C6: variants seen among roughly 807,000 people sequenced by gnomAD.
C6 encodes the protein complement component C6.
In C6, 101 loss-of-function variants were observed where a neutral mutation model predicts 112.9. The observed-to-expected ratio is 0.89, with a 90% CI of 0.76 to 1.06. The LOEUF (loss-of-function observed/expected upper bound fraction) is 1.06. Among genes scored for constraint, C6 ranks in the 50% least tolerant of loss-of-function variants. C6 has a pLI of 0.00. For synonymous variants in C6, 431 were observed against 384.1 expected (o/e 1.12, Z -1.43); for missense variants, 1,202 against 1,104.6 (o/e 1.09, Z -1.25).
chr5:41,202,558 C>T (rs1751109323), intron 2 of C6, among the ~76,000 whole-genome samples: 1 of 152,082 alleles, frequency 6.6e-6, no homozygotes, highest in African/African-American at 2.4e-5. Context: ...TGAGCATTTC[C>T]ATGGTACAGA....
intron 7 of C6, among the ~76,000 whole-genome samples, chr5:41,178,466 C>CTTTTTTTTTTTTTTTTTTTT (rs70988836): frequency 2.0e-4 from 20 of 101,592 alleles, no homozygotes; most frequent in East Asian, 2.8e-4. Flanking sequence ...TTTTCTTTTT[C>CTTTTTTTTTTTTTTTTTTTT]TTTTTTTTTT....
chr5:41,252,997 G>T (rs923863715), intron 1 of C6, among the ~76,000 whole-genome samples: 2 of 152,158 alleles, frequency 1.3e-5, no homozygotes, highest in Non-Finnish European at 2.9e-5. Context: ...ACTTCTTGAG[G>T]TTGTGTTCCA....
chr5:41,210,058 T>A (rs1468820888), intron 1 of C6, among the ~76,000 whole-genome samples: 1 of 152,028 alleles, frequency 6.6e-6, no homozygotes, highest in African/African-American at 2.4e-5. Flanking sequence ...TCAGAAATAA[T>A]ACCACACGTC....
intron 13 of C6, among the ~76,000 whole-genome samples, chr5:41,158,111 T>G (rs984752712): frequency 2.6e-5 from 4 of 152,156 alleles, no homozygotes; most frequent in African/African-American, 9.6e-5. Context: ...ATGTATCACC[T>G]GTAAAATTTA....
At chr5:41,176,370 G>A (rs749016161) in intron 8 of C6, 105 bp downstream of exon 8, 18 of 1,139,146 alleles carry the variant, frequency 1.6e-5, no homozygotes, top group Non-Finnish European at 2.3e-5. Flanking sequence ...AATAAAGCAG[G>A]ATCTAAATAA....
chr5:41,196,075 C>G (rs1280648549), intron 4 of C6, 142 bp from the exon 5 acceptor site: 2 of 939,858 alleles, frequency 2.1e-6, no homozygotes, highest in African/African-American at 3.3e-5. Context: ...TTAGGGAGCA[C>G]ATAAAAATGG....
At chr5:41,209,678 C>T (rs1751734544) in intron 1 of C6, among the ~76,000 whole-genome samples, 1 of 152,112 alleles carries the variant, frequency 6.6e-6, no homozygotes, top group Admixed American at 6.5e-5. Flanking sequence ...AGGACCTCTT[C>T]AAGGAGAACT....
intron 5 of C6, among the ~76,000 whole-genome samples, chr5:41,192,917 T>A (rs1750329245): frequency 6.6e-6 from 1 of 152,094 alleles, no homozygotes; most frequent in African/African-American, 2.4e-5. Context: ...TGTACAAAGG[T>A]TTTACTTTGG....
At chr5:41,227,507 T>C (rs904999192) in intron 1 of C6, among the ~76,000 whole-genome samples, 2 of 152,064 alleles carry the variant, frequency 1.3e-5, no homozygotes, top group African/African-American at 2.4e-5. Flanking sequence ...GCTTTTGGGG[T>C]CACATCCAAA....
At chr5:41,254,822 TAGTCCTGCAAG>T (rs1402232357) in intron 1 of C6, among the ~76,000 whole-genome samples, 2 of 152,350 alleles carry the variant, frequency 1.3e-5, no homozygotes, top group African/African-American at 4.8e-5. Context: ...ACACAGTGAC[TAGTCCTGCAAG>T]AGTTTATGTG....
At chr5:41,219,820 A>G (rs943359289) in intron 1 of C6, among the ~76,000 whole-genome samples, 12 of 152,184 alleles carry the variant, frequency 7.9e-5, no homozygotes, top group Non-Finnish European at 1.5e-4. Flanking sequence ...CAATTTTTAA[A>G]AGTTCTTCCA....
intron 1 of C6, among the ~76,000 whole-genome samples, chr5:41,243,595 C>G (rs769694123): frequency 7.2e-5 from 11 of 152,240 alleles, no homozygotes; most frequent in Non-Finnish European, 1.6e-4. Flanking sequence ...CTAGACATGA[C>G]TGTTATTACT....
At chr5:41,205,567 G>C (rs1270220455) in intron 1 of C6, among the ~76,000 whole-genome samples, 1 of 152,220 alleles carries the variant, frequency 6.6e-6, no homozygotes, top group Non-Finnish European at 1.5e-5. Context: ...CACACCAGGA[G>C]ATTATATCCC....
chr5:41,168,063 CAAT>C (rs943692547), intron 9 of C6, among the ~76,000 whole-genome samples: 1 of 152,140 alleles, frequency 6.6e-6, no homozygotes, highest in African/African-American at 2.4e-5. Context: ...TCAGTTTACA[CAAT>C]CATAACTGAA....
chr5:41,197,661 A>C (rs1349505613), intron 4 of C6, among the ~76,000 whole-genome samples: 1 of 152,130 alleles, frequency 6.6e-6, no homozygotes, highest in Non-Finnish European at 1.5e-5. Context: ...CTATCCATTT[A>C]GTACTTATAG....
rs200332156 is a variant in C6, at chr5:41,151,177, A to AT, written c.2291-1153dup. On this transcript the variant is annotated intron_variant, in intron 15 of 17. Transcript: ENST00000337836. ...GTGCAGAGAATGGATTTGAAGAGGCATGGTGGTCAATAGGGCTCCAGGGAG... is the reference window on the plus strand; with the variant it reads ...GTGCAGAGAATGGATTTGAAGAGGCATTGGTGGTCAATAGGGCTCCAGGGAG... Among the ~76,000 whole-genome samples the AT allele has an allele frequency of 4.6e-3, 700 of 152,308 alleles. 4 individuals are homozygous for AT. Among genetic ancestry groups the AT allele is most frequent in the African/African-American group, 0.015 (610 of 41,562 alleles).
At chr5:41,241,296 T>C (rs1446927599) in intron 1 of C6, among the ~76,000 whole-genome samples, 1 of 152,194 alleles carries the variant, frequency 6.6e-6, no homozygotes, top group East Asian at 1.9e-4. Context: ...CTGGCAGTGA[T>C]AACAGCAGTG....
intron 1 of C6, among the ~76,000 whole-genome samples, chr5:41,248,361 G>T (rs771484356): frequency 4.6e-5 from 7 of 152,184 alleles, no homozygotes; most frequent in Non-Finnish European, 8.8e-5. Flanking sequence ...CACAGCAAAA[G>T]AAGCTATCAA....
chr5:41,245,900 T>C (rs1740992432), intron 1 of C6, among the ~76,000 whole-genome samples: 1 of 152,202 alleles, frequency 6.6e-6, no homozygotes, highest in Admixed American at 6.5e-5. Context: ...GATTTTCCTT[T>C]TTTAAAAGTA....
Sources: allele counts gnomAD v4.1 joint callset (sites outside exome capture counted in the v4.1 genomes callset), GRCh38; gene constraint gnomAD v4.1.1; transcripts MANE v1.5; gene names NCBI Gene and HGNC (gene_info 2026-07-23, HGNC 2026-07-21).